Variants in DHX38 observed in about 807,000 individuals in gnomAD.
DHX38 encodes pre-mRNA-splicing factor ATP-dependent RNA helicase PRP16.
Under a neutral mutation model 153.1 loss-of-function variants are expected in DHX38, and 100 were observed. The ratio of observed to expected loss-of-function variants is 0.65; its 90% CI spans 0.56 to 0.77. DHX38 has a LOEUF of 0.77. Among genes scored for constraint, DHX38 ranks in the 30% least tolerant of loss-of-function variants. The probability of loss-of-function intolerance (pLI) is 0.00; values close to 1 mark genes in which losing one functional copy is unlikely to be tolerated. For missense variants in DHX38, 1,440 were observed against 1,654.0 expected, an observed-to-expected ratio of 0.87 and a Z score of 2.24; for synonymous variants, 650 against 631.7, an observed-to-expected ratio of 1.03 and a Z score of -0.43.
intron 1 of DHX38, among the ~76,000 whole-genome samples, chr16:72,094,645 C>T (rs986710012): frequency 2.0e-5 from 3 of 152,178 alleles, no homozygotes; most frequent in Non-Finnish European, 4.4e-5. Context: ...CTTATTTGTT[C>T]GTCTCAGCAG....
Position 72,105,008 on chromosome 16 carries a change from G to A in DHX38, c.2152-19G>A. 2 of 1,611,892 alleles carry A rather than the reference G, an allele frequency of 1.2e-6. No individual in the cohort carries two copies. Among genetic ancestry groups the A allele is most frequent in the Non-Finnish European group, 1.7e-6 (2 of 1,178,582 alleles). On this transcript the variant is annotated intron_variant, in intron 15 of 26. Transcript: ENST00000268482. ...GCTTCTAGTACCTCCCTCTGACTGT[G>A]TCCCCACTGCTGTTGCAGACCCCAC...
In DHX38 at chr16:72,104,181, C is replaced by A; in HGVS notation, c.2010+50C>A. ...TCTGCGCATGGGGTGTTGACCAGTG[C>A]ACCACCAGTAGCTAGTGGGTTGCTC... is the stretch of plus-strand genomic sequence containing the variant. On this transcript the variant is annotated intron_variant, in intron 14 of 26. Transcript: ENST00000268482. The surrounding 1 kb of genome is among the most constrained non-coding windows in gnomAD (Gnocchi z 4.5). 6.3e-7 allele frequency: 1 copy of A among 1,590,120 alleles called. No homozygotes were observed.
rs574278049 is a variant in DHX38, at chr16:72,096,339, A to C, written c.182A>C (p.Glu61Ala). 3.7e-6 allele frequency: 6 copies of C among 1,614,180 alleles called. No individual in the cohort carries two copies. In the Admixed American group the frequency reaches 1.0e-4, roughly 27 times the overall value. The change falls in exon 2 of 27, where the codon GAG becomes GCG. Residue 61 changes from glutamate to alanine, a missense_variant. Coordinates refer to ENST00000268482, the MANE Select transcript of DHX38 (RefSeq NM_014003.4). ...LDLLASLKRR[E>A]REEKDDGEDK... ...TTGCTGGCTTCCCTGAAACGGAGAG[A>C]GCGAGAGGAGAAGGACGATGGGGAG...
At position 72,112,439 on chromosome 16, in the gene DHX38, G is replaced by A. The variant is rs777419050; in HGVS notation, c.3626G>A (p.Arg1209Gln). Residue 1209 changes from arginine to glutamine, a missense_variant, in exon 27 of 27, where the codon CGG becomes CAG. By Grantham distance (43) the Arg-to-Gln change is conservative (BLOSUM62 1). Coordinates refer to ENST00000268482, the MANE Select transcript of DHX38 (RefSeq NM_014003.4). The stretch of plus-strand genomic sequence containing the variant: ...TCTACGAAGATCTACACTCCAGGCC[G>A]GAAAGAGCAAGGGGAGCCCATGACC... ...VRSTKIYTPG[R>Q]KEQGEPMTPR... The A allele has an allele frequency of 6.2e-6, 10 of 1,610,902 alleles. No homozygotes were observed. Among genetic ancestry groups the A allele is most frequent in the African/African-American group, 4.0e-5 (3 of 74,936 alleles).
chr16:72,108,173 C>T (rs8051882), intron 21 of DHX38, 54 bp from the exon 22 acceptor site: 620,625 of 1,594,594 alleles, frequency 0.39, 126,696 homozygotes, highest in African/African-American at 0.72. Context: ...GGGATGTGCT[C>T]AGTGGGCCTG....
intron 25 of DHX38, 127 bp from the exon 26 acceptor site, chr16:72,110,829 G>C: frequency 1.5e-6 from 2 of 1,318,426 alleles, no homozygotes; most frequent in Non-Finnish European, 2.0e-6. Flanking sequence ...TACTGGGGCA[G>C]GCAGCCATGT....
chr16:72,112,366 G>A (rs968193360), intron 26 of DHX38, 47 bp from the exon 27 acceptor site: 11 of 1,573,008 alleles, frequency 7.0e-6, no homozygotes, highest in South Asian at 1.1e-5. Context: ...CCTCCTGGCT[G>A]TGGGTGAGGG....
chr16:72,109,550 G>T, intron 25 of DHX38, 40 bp downstream of exon 25: 1 of 1,576,908 alleles, frequency 6.3e-7, no homozygotes, highest in Non-Finnish European at 8.6e-7. Context: ...CTGTTTGCCT[G>T]TGGGGTCGGT....
chr16:72,108,858 G>C lies in DHX38; in HGVS notation c.3314G>C (p.Ser1105Thr). ...ATGCCCTGCCACTTGCACCCCACCA[G>C]CTCCCTTTTTGGAATGGGCTACACC... is the stretch of plus-strand genomic sequence containing the variant. ...TGMPCHLHPT[S>T]SLFGMGYTPD... The change falls in exon 24 of 27, where the codon AGC becomes ACC. Residue 1105 changes from serine to threonine, a missense_variant. By Grantham distance (58) the Ser-to-Thr change is moderately conservative. Around this residue, in one of 6 missense-constraint regions of DHX38, gnomAD observed 543 missense variants for 717.9 expected, o/e 0.76. Transcript: ENST00000268482. 1 of 1,614,066 alleles carries C rather than the reference G, an allele frequency of 6.2e-7. No individual in the cohort carries two copies. The highest frequency in any genetic ancestry group is 8.5e-7 in the Non-Finnish European group (1 of 1,180,008).
At position 72,108,878 on chromosome 16, in the gene DHX38, T is replaced by A; in HGVS notation, c.3334T>A (p.Tyr1112Asn). Residue 1112 changes from tyrosine to asparagine, a missense_variant, in exon 24 of 27, where the codon TAC (tyrosine) becomes AAC (asparagine). Physicochemically the swap from Tyr to Asn is moderately radical, Grantham distance 143 (BLOSUM62 -2). Transcript: ENST00000268482. ...CACCAGCTCCCTTTTTGGAATGGGC[T>A]ACACCCCAGATTACATAGTGTATCA... ...HPTSSLFGMG[Y>N]TPDYIVYHEL... 6.2e-7 allele frequency: 1 copy of A among 1,613,806 alleles called. No homozygotes were observed. The highest frequency in any genetic ancestry group is 8.5e-7 in the Non-Finnish European group (1 of 1,179,898).
intron 23 of DHX38, 48 bp from the exon 24 acceptor site, chr16:72,108,752 A>T (rs1232756240): frequency 6.2e-7 from 1 of 1,603,050 alleles, no homozygotes. Context: ...CGCTGCCCAA[A>T]TGGGTGTTGT....
Position 72,108,478 on chromosome 16 carries a change from G to A in DHX38, c.3126G>A (p.Arg1042=), listed in dbSNP as rs146427289. 1.2e-6 allele frequency: 2 copies of A among 1,614,028 alleles called. No homozygotes were observed. Among genetic ancestry groups the A allele is most frequent in the African/African-American group, 1.3e-5 (1 of 74,928 alleles). ...FIHAKAMRKV[R]EVRAQLKDIM... ...GCCTCCGTCTCCTGCCCTAGGTCCG[G>A]GAGGTGCGAGCTCAACTCAAGGACA... Residue 1042 remains arginine, a synonymous_variant, in exon 23 of 27, where the codon CGG becomes CGA. Transcript: ENST00000268482.
chr16:72,101,648 T>C (rs2042103296), intron 11 of DHX38, 36 bp downstream of exon 11: 3 of 1,532,756 alleles, frequency 2.0e-6, no homozygotes, highest in South Asian at 2.4e-5. Context: ...TCAGCCTTGC[T>C]CCAAAGATGG....
intron 2 of DHX38, 122 bp downstream of exon 2, chr16:72,096,602 T>A: frequency 6.8e-7 from 1 of 1,468,236 alleles, no homozygotes; most frequent in South Asian, 1.4e-5. Flanking sequence ...ATTATGATTC[T>A]GTAATACTGA....
chr16:72,109,240 A>G (rs1386442137), intron 24 of DHX38, among the ~76,000 whole-genome samples, 175 bp from the exon 25 acceptor site: 6 of 152,048 alleles, frequency 3.9e-5, no homozygotes, highest in African/African-American at 1.4e-4. Flanking sequence ...TACTGGGGGC[A>G]TTTTCTCAAG....
At chr16:72,098,117 G>A (rs370116274) in intron 4 of DHX38, among the ~76,000 whole-genome samples, 2 of 152,306 alleles carry the variant, frequency 1.3e-5, no homozygotes, top group East Asian at 3.9e-4. Flanking sequence ...CCCTTAAAAT[G>A]TTGTCATAAA....
At chr16:72,106,328 C>G (rs1271813669) in intron 19 of DHX38, among the ~76,000 whole-genome samples, 1 of 152,256 alleles carries the variant, frequency 6.6e-6, no homozygotes, top group Non-Finnish European at 1.5e-5. Context: ...TGAGGCCAAC[C>G]TACGTGGATG....
At position 72,100,622 on chromosome 16, in the gene DHX38, C is replaced by T. The variant is rs987213609; in HGVS notation, c.1278+25C>T. ...GGTGAGGCTCCTCTGTGGCCAGGGA[C>T]AAGACAGCTCAGAGAGACCTGATGT... On this transcript the variant is annotated intron_variant, in intron 9 of 26. Transcript: ENST00000268482. The T allele has an allele frequency of 2.5e-6, 4 of 1,610,860 alleles. No individual in the cohort carries two copies. The Admixed American group carries it at 5.0e-5, about 20-fold the overall frequency.
rs2042229556 is a variant in DHX38, at chr16:72,109,486, G to T, written c.3453G>T (p.Val1151=). 6.2e-7 allele frequency: 1 copy of T among 1,612,630 alleles called. No homozygotes were observed. The highest frequency in any genetic ancestry group is 8.5e-7 in the Non-Finnish European group (1 of 1,179,458). Reference sequence around the variant, plus strand: ...AGCTGGGCCCCATGTTCTATAGCGTGAAACAGGCGGGCAAGTCACGGCAGG... The same window carrying T: ...AGCTGGGCCCCATGTTCTATAGCGTTAAACAGGCGGGCAAGTCACGGCAGG... ...LAELGPMFYS[V]KQAGKSRQEN... The change falls in exon 25 of 27, where the codon GTG becomes GTT. Residue 1151 remains valine, a synonymous_variant. Transcript: ENST00000268482.
Sources: allele counts gnomAD v4.1 joint callset (sites outside exome capture counted in the v4.1 genomes callset), GRCh38; gene constraint gnomAD v4.1.1; regional missense constraint gnomAD v4.1.1; non-coding constraint Gnocchi (gnomAD v3.1); transcripts MANE v1.5; gene names NCBI Gene and HGNC (gene_info 2026-07-23, HGNC 2026-07-21).